IQCH: variants seen among roughly 807,000 people sequenced by gnomAD.
The protein encoded by IQCH is IQ motif containing H.
A neutral mutation model predicts 117.0 loss-of-function variants in IQCH; 98 were observed. The observed-to-expected ratio is 0.84, with a 90% CI of 0.71 to 0.99. IQCH has a LOEUF of 0.99. IQCH is among the 50% of genes least tolerant of loss of function. The pLI is 0.00. For missense variants in IQCH, 1,102 were observed against 1,243.8 expected, an observed-to-expected ratio of 0.89 and a Z score of 1.72; for synonymous variants, 412 against 448.2, an observed-to-expected ratio of 0.92 and a Z score of 1.02.
chr15:67,428,037 G>C (rs1161940560), intron 16 of IQCH, among the ~76,000 whole-genome samples: 3 of 152,058 alleles, frequency 2.0e-5, no homozygotes, highest in African/African-American at 7.2e-5. Context: ...TGTTGGCCAG[G>C]CTGGTCTTGA....
chr15:67,321,433 T>TC (rs968509080), intron 4 of IQCH, among the ~76,000 whole-genome samples: 2 of 151,758 alleles, frequency 1.3e-5, no homozygotes, highest in Admixed American at 6.6e-5. Flanking sequence ...CTTCCTTCCT[T>TC]CTTTTCTTTT....
intron 16 of IQCH, among the ~76,000 whole-genome samples, chr15:67,428,220 A>G (rs2081936835): frequency 1.3e-5 from 2 of 152,250 alleles, no homozygotes; most frequent in African/African-American, 4.8e-5. Context: ...AGAATATTTA[A>G]CAGGAAACTT....
At chr15:67,322,335 A>T (rs1326628678) in intron 4 of IQCH, among the ~76,000 whole-genome samples, 2 of 152,192 alleles carry the variant, frequency 1.3e-5, no homozygotes, top group Non-Finnish European at 2.9e-5. Flanking sequence ...TTTGCATGGT[A>T]TATCAGTCTT....
rs1005314984 is a variant in IQCH, at chr15:67,417,142, G to A, written c.2218+91G>A. ...CAACTGGGGCCAATTTAAATACTTT[G>A]CATCTCCTGTGTTGGTTTAGAAAAG... On this transcript the variant is annotated intron_variant, in intron 15 of 20. Transcript: ENST00000335894. This position sits in a 1 kb window ranked among gnomAD's most constrained non-coding sequence, Gnocchi z 4.3. 9.8e-5 allele frequency: 109 copies of A among 1,116,978 alleles called. No individual in the cohort carries two copies. The highest frequency in any genetic ancestry group is 1.3e-4 in the Non-Finnish European group (108 of 812,910). 69.2% of individuals were successfully genotyped at this position (1,116,978 alleles called of 1,614,324 possible).
intron 4 of IQCH, among the ~76,000 whole-genome samples, chr15:67,305,174 C>T (rs1967236833): frequency 6.6e-6 from 1 of 152,018 alleles, no homozygotes; most frequent in Admixed American, 6.6e-5. Flanking sequence ...ACATTTTTAA[C>T]CTTTGGCTTC....
At chr15:67,440,590 C>G (rs2082244239) in intron 16 of IQCH, among the ~76,000 whole-genome samples, 1 of 152,114 alleles carries the variant, frequency 6.6e-6, no homozygotes, top group South Asian at 2.1e-4. Context: ...ATGTGATACA[C>G]TACATAAACA....
Position 67,479,557 on chromosome 15 carries a change from T to G in IQCH, c.2799+3739T>G, listed in dbSNP as rs1312370342. On this transcript the variant is annotated intron_variant, in intron 18 of 20. Transcript: ENST00000335894. The surrounding 1 kb of genome is among the most constrained non-coding windows in gnomAD (Gnocchi z 4.6). ...CAGCTGGAGAAACACAGACTTCTTT[T>G]CATAGCCCCTATGACTATCTCTACA... Among the ~76,000 whole-genome samples the G allele has an allele frequency of 6.6e-6, 1 of 152,182 alleles. No homozygotes were observed. Among genetic ancestry groups the G allele is most frequent in the Non-Finnish European group, 1.5e-5 (1 of 68,034 alleles).
Position 67,490,587 on chromosome 15 carries a change from A to T in IQCH, c.2861+523A>T, listed in dbSNP as rs1380972194. On this transcript the variant is annotated intron_variant, in intron 19 of 20. Coordinates refer to ENST00000335894, the MANE Select transcript of IQCH (RefSeq NM_001031715.3). This position sits in a 1 kb window ranked among gnomAD's most constrained non-coding sequence, Gnocchi z 4.9. ...TAATTACCTAAAATTAATGGGTAAG[A>T]TTTAGATTTAACAACATATTATACC... Among the ~76,000 whole-genome samples, 1 of 152,194 alleles carries T rather than the reference A, an allele frequency of 6.6e-6. No individual in the cohort carries two copies. The highest frequency in any genetic ancestry group is 1.5e-5 in the Non-Finnish European group (1 of 68,026).
intron 4 of IQCH, among the ~76,000 whole-genome samples, chr15:67,285,268 A>G (rs900097169): frequency 1.3e-5 from 2 of 151,486 alleles, no homozygotes; most frequent in South Asian, 4.2e-4. Context: ...TTTGAAAAGT[A>G]TCCATTCATG....
At chr15:67,470,209 C>T (rs1273373547) in intron 17 of IQCH, among the ~76,000 whole-genome samples, 3 of 152,152 alleles carry the variant, frequency 2.0e-5, no homozygotes, top group South Asian at 2.1e-4. Flanking sequence ...CTCGCTCTGT[C>T]GCCCAGGCTG....
Position 67,500,820 on chromosome 15 carries a change from T to C in IQCH, c.*74T>C, listed in dbSNP as rs1567242195. The C allele has an allele frequency of 2.9e-6, 2 of 696,326 alleles. No homozygotes were observed. Among genetic ancestry groups the C allele is most frequent in the Admixed American group, 6.3e-5 (2 of 31,672 alleles). The allele number at this position is 696,326 out of a possible 1,614,324, so 43.1% of individuals were successfully genotyped here. A position where few individuals can be genotyped will look rare whatever the true frequency, so the allele number is the denominator to read the frequency against. On this transcript the variant is annotated 3_prime_UTR_variant, in exon 21 of 21. Coordinates refer to ENST00000335894, the MANE Select transcript of IQCH (RefSeq NM_001031715.3). This position sits in a 1 kb window ranked among gnomAD's most constrained non-coding sequence, Gnocchi z 4.4. The stretch of plus-strand genomic sequence containing the variant: ...GGGCAATTTTTTTTTCTGTTAGAAA[T>C]AAAAGCCAGGGGAAATTGGTTTGCT...
In IQCH at chr15:67,372,655, G is replaced by A. The variant is rs1970588524; in HGVS notation, c.1298G>A (p.Arg433Gln). ...RQRHLENFRI[R>Q]AKHLAANWNR... is the part of the protein sequence containing the mutation. ...AGACACCTGGAGAATTTTCGCATTCGAGCCAAGGTGCACAAGGCTGCCAGC... is the reference window on the plus strand; with the variant it reads ...AGACACCTGGAGAATTTTCGCATTCAAGCCAAGGTGCACAAGGCTGCCAGC... The change falls in exon 9 of 21, where the codon CGA becomes CAA. Residue 433 changes from arginine to glutamine, a missense_variant. Arg to Gln is a conservative substitution (Grantham distance 43, BLOSUM62 1). Around this residue, in one of 2 missense-constraint regions of IQCH, gnomAD observed 650 missense variants for 794.3 expected, o/e 0.82. Transcript: ENST00000335894. The A allele has an allele frequency of 2.5e-6, 4 of 1,602,146 alleles. No homozygotes were observed. The highest frequency in any genetic ancestry group is 2.2e-5 in the South Asian group (2 of 89,070).
chr15:67,374,531 A>G (rs1414031165), intron 10 of IQCH, among the ~76,000 whole-genome samples: 5 of 152,214 alleles, frequency 3.3e-5, no homozygotes, highest in Admixed American at 3.3e-4. Flanking sequence ...TTAAATTAGT[A>G]AAATATCAAT....
At chr15:67,360,875 A>G (rs1596256909) in intron 8 of IQCH, among the ~76,000 whole-genome samples, 2 of 152,256 alleles carry the variant, frequency 1.3e-5, no homozygotes, top group South Asian at 4.1e-4. Flanking sequence ...AATCCGTGCA[A>G]TTAGATCCTT....
chr15:67,486,046 T>TC (rs1458713520), intron 18 of IQCH, among the ~76,000 whole-genome samples: 1 of 146,908 alleles, frequency 6.8e-6, no homozygotes, highest in Non-Finnish European at 1.5e-5. Flanking sequence ...TTCTTTTTTT[T>TC]TTTTTTTTTT....
intron 4 of IQCH, chr15:67,307,101 C>G (rs1487588978): frequency 3.4e-6 from 4 of 1,189,204 alleles, no homozygotes; most frequent in Non-Finnish European, 3.1e-6. Flanking sequence ...CTGATTATAA[C>G]TGTTATGACC....
chr15:67,379,103 G>A (rs1466034174), intron 10 of IQCH, among the ~76,000 whole-genome samples: 1 of 152,146 alleles, frequency 6.6e-6, no homozygotes, highest in Non-Finnish European at 1.5e-5. Flanking sequence ...GAGAAGGGTA[G>A]GATTGTCTGA....
intron 4 of IQCH, among the ~76,000 whole-genome samples, chr15:67,332,551 A>C (rs150672750): frequency 6.6e-6 from 1 of 152,224 alleles, no homozygotes; most frequent in Non-Finnish European, 1.5e-5. Context: ...CAGAGAAGCC[A>C]TGACAAATGA....
intron 3 of IQCH, among the ~76,000 whole-genome samples, chr15:67,273,123 T>G (rs1225914817): frequency 6.6e-6 from 1 of 152,164 alleles, no homozygotes; most frequent in Non-Finnish European, 1.5e-5. Context: ...CAGGCTGGAG[T>G]GCAGTGTTGC....
Sources: allele counts gnomAD v4.1 joint callset (sites outside exome capture counted in the v4.1 genomes callset), GRCh38; gene constraint gnomAD v4.1.1; regional missense constraint gnomAD v4.1.1; non-coding constraint Gnocchi (gnomAD v3.1); transcripts MANE v1.5; gene names NCBI Gene and HGNC (gene_info 2026-07-23, HGNC 2026-07-21).